Variants in ROBO1 observed in about 807,000 individuals in gnomAD.
The protein encoded by ROBO1 is roundabout guidance receptor 1, also known as roundabout homolog 1.
Under a neutral mutation model 195.9 loss-of-function variants are expected in ROBO1, and 149 were observed. That is an observed-to-expected ratio of 0.76 (90% CI 0.67 to 0.87). The LOEUF (loss-of-function observed/expected upper bound fraction) is 0.87. Among genes scored for constraint, ROBO1 ranks in the 40% least tolerant of loss-of-function variants. The probability of loss-of-function intolerance (pLI) is 0.00; values close to 1 mark genes in which losing one functional copy is unlikely to be tolerated. For missense variants in ROBO1, 1,933 were observed against 2,068.3 expected, an observed-to-expected ratio of 0.93 and a Z score of 1.27; for synonymous variants, 816 against 733.2, an observed-to-expected ratio of 1.11 and a Z score of -1.82.
intron 4 of ROBO1, among the ~76,000 whole-genome samples, chr3:78,827,159 G>A (rs2031692548): frequency 6.6e-6 from 1 of 151,930 alleles, no homozygotes; most frequent in African/African-American, 2.4e-5. Flanking sequence ...GTTTCAATTG[G>A]GTAGGAAAAG....
At chr3:78,695,725 T>C (rs1483948002) in intron 8 of ROBO1, among the ~76,000 whole-genome samples, 1 of 151,808 alleles carries the variant, frequency 6.6e-6, no homozygotes, top group Non-Finnish European at 1.5e-5. Context: ...TGGAAGCTTC[T>C]AAAACATGAG....
chr3:78,806,609 G>T (rs992422433), intron 4 of ROBO1, among the ~76,000 whole-genome samples: 1 of 152,054 alleles, frequency 6.6e-6, no homozygotes, highest in Non-Finnish European at 1.5e-5. Flanking sequence ...TAAGAAGTTT[G>T]AACTCTATAT....
chr3:78,599,760 G>C (rs548272296), intron 30 of ROBO1, among the ~76,000 whole-genome samples: 1 of 152,228 alleles, frequency 6.6e-6, no homozygotes, highest in South Asian at 2.1e-4. Context: ...ATATAACTCT[G>C]TCATCTTACT....
chr3:78,597,725 TTTTC>T lies in ROBO1; in HGVS notation c.*1184_*1187del, dbSNP rs1313430926. 1.3e-5 allele frequency: 2 copies of T among 152,508 alleles called. No individual in the cohort carries two copies. The highest frequency in any genetic ancestry group is 4.8e-5 in the African/African-American group (2 of 41,430). 9.4% of individuals were successfully genotyped at this position (152,508 alleles called of 1,614,324 possible). On this transcript the variant is annotated 3_prime_UTR_variant, in exon 31 of 31. Transcript: ENST00000464233. ...GGCCACAACAAACTTAAACCTCTTT[TTTTC>T]TTTAAGTCCAGGAAAAGTAAGAACC...
chr3:79,722,525 C>A (rs923921159), intron 1 of ROBO1, among the ~76,000 whole-genome samples: 9 of 152,194 alleles, frequency 5.9e-5, no homozygotes, highest in African/African-American at 1.9e-4. Context: ...ATTTTGTTAA[C>A]CCCGAGTAGC....
chr3:78,825,261 C>T (rs954232818), intron 4 of ROBO1, among the ~76,000 whole-genome samples: 1 of 152,134 alleles, frequency 6.6e-6, no homozygotes, highest in Non-Finnish European at 1.5e-5. Flanking sequence ...GAAGCCAAAT[C>T]AGTTTGGTGT....
At chr3:78,711,313 T>TTCTTTC (rs1553708548) in intron 8 of ROBO1, among the ~76,000 whole-genome samples, 1 of 141,544 alleles carries the variant, frequency 7.1e-6, no homozygotes, top group East Asian at 2.1e-4. Flanking sequence ...CTTTCTTTCT[T>TTCTTTC]TCTCTCTCTC....
chr3:78,674,303 T>C (rs779770516), intron 10 of ROBO1, among the ~76,000 whole-genome samples: 12 of 152,218 alleles, frequency 7.9e-5, no homozygotes, highest in Non-Finnish European at 5.9e-5. Context: ...GATTCTGCCT[T>C]TGTCTTTGTT....
intron 2 of ROBO1, among the ~76,000 whole-genome samples, chr3:79,556,187 T>A (rs992463498): frequency 6.6e-6 from 1 of 152,136 alleles, no homozygotes; most frequent in Non-Finnish European, 1.5e-5. Context: ...AATTTTAATA[T>A]GCAGTATTTC....
intron 2 of ROBO1, among the ~76,000 whole-genome samples, chr3:79,425,588 G>A (rs2038412837): frequency 6.6e-6 from 1 of 152,006 alleles, no homozygotes; most frequent in African/African-American, 2.4e-5. Flanking sequence ...AAAACCCAAG[G>A]CAAATGTCAA....
chr3:79,483,745 G>A (rs749785871), intron 2 of ROBO1, among the ~76,000 whole-genome samples: 1 of 152,074 alleles, frequency 6.6e-6, no homozygotes, highest in African/African-American at 2.4e-5. Flanking sequence ...ATGTATGTGG[G>A]TCTATCATTG....
intron 28 of ROBO1, among the ~76,000 whole-genome samples, chr3:78,607,471 C>A (rs1703535569): frequency 6.6e-6 from 1 of 152,144 alleles, no homozygotes. Context: ...CCTTGGCTTC[C>A]TAAAGTGCTA....
At chr3:79,659,885 T>C (rs1034078477) in intron 1 of ROBO1, among the ~76,000 whole-genome samples, 12 of 152,004 alleles carry the variant, frequency 7.9e-5, no homozygotes, top group African/African-American at 2.7e-4. Flanking sequence ...AACTCATTTA[T>C]TGAAGTTGAT....
chr3:78,636,148 G>T, intron 22 of ROBO1, 40 bp from the exon 23 acceptor site: 1 of 1,422,652 alleles, frequency 7.0e-7, no homozygotes, highest in Non-Finnish European at 9.6e-7. Context: ...ATCATTCTGC[G>T]TGGTTATTCC....
At chr3:78,828,698 TCTC>T (rs972710916) in intron 4 of ROBO1, among the ~76,000 whole-genome samples, 1 of 152,178 alleles carries the variant, frequency 6.6e-6, no homozygotes, top group South Asian at 2.1e-4. Flanking sequence ...TCTGATCTCT[TCTC>T]CTCATTTTTC....
intron 27 of ROBO1, among the ~76,000 whole-genome samples, chr3:78,615,803 T>C (rs75036903): frequency 3.9e-5 from 6 of 152,306 alleles, no homozygotes; most frequent in African/African-American, 9.6e-5. Context: ...TATTAAATAA[T>C]ATACATTAAC....
At chr3:79,330,307 C>A (rs2034387146) in intron 2 of ROBO1, among the ~76,000 whole-genome samples, 1 of 140,708 alleles carries the variant, frequency 7.1e-6, no homozygotes, top group Non-Finnish European at 1.5e-5. Context: ...AATTTATTTC[C>A]TCAAAAAATA....
At chr3:79,575,170 TATAA>T (rs1211081437) in intron 2 of ROBO1, among the ~76,000 whole-genome samples, 2 of 121,512 alleles carry the variant, frequency 1.6e-5, no homozygotes, top group South Asian at 2.2e-4. Context: ...AACAAATATA[TATAA>T]ATATATATAA....
chr3:79,398,362 T>A (rs1011496188), intron 2 of ROBO1, among the ~76,000 whole-genome samples: 1 of 152,162 alleles, frequency 6.6e-6, no homozygotes, highest in Non-Finnish European at 1.5e-5. Flanking sequence ...TTTTATATAT[T>A]GAAGACATAA....
Sources: allele counts gnomAD v4.1 joint callset (sites outside exome capture counted in the v4.1 genomes callset), GRCh38; gene constraint gnomAD v4.1.1; transcripts MANE v1.5; gene names NCBI Gene and HGNC (gene_info 2026-07-23, HGNC 2026-07-21).